COL5A2: variants seen among roughly 807,000 people sequenced by gnomAD.
COL5A2 encodes the protein collagen alpha-2(V) chain.
COL5A2 carries 23 observed loss-of-function variants against 208.2 expected under a neutral mutation model. The observed-to-expected ratio is 0.11, with a 90% CI of 0.08 to 0.16. The LOEUF (loss-of-function observed/expected upper bound fraction) is 0.16. Among genes scored for constraint, COL5A2 ranks in the 10% least tolerant of loss-of-function variants. The pLI is 1.00. For missense variants in COL5A2, 1,590 were observed against 1,956.4 expected, an observed-to-expected ratio of 0.81 and a Z score of 3.53; for synonymous variants, 625 against 628.5, an observed-to-expected ratio of 0.99 and a Z score of 0.08.
At chr2:189,430,447 A>G in the COL5A2 span, among the ~76,000 whole-genome samples, 1 of 152,190 alleles carries the variant, frequency 6.6e-6, no homozygotes, top group Non-Finnish European at 1.5e-5. Flanking sequence ...AGCCAAGGGA[A>G]GCCATGACAG....
At chr2:189,184,551 A>G (rs1305141863), upstream of COL5A2, among the ~76,000 whole-genome samples, 1 of 152,168 alleles carries the variant, frequency 6.6e-6, no homozygotes, top group Non-Finnish European at 1.5e-5. Context: ...AGTTACCTGC[A>G]TTCCTTGTTT....
intron 1 of COL5A2, among the ~76,000 whole-genome samples, chr2:189,125,950 T>C (rs974525290): frequency 2.0e-5 from 3 of 152,092 alleles, no homozygotes; most frequent in African/African-American, 4.8e-5. Context: ...TATAGACGGA[T>C]AGGTGAAGAG....
chr2:189,313,600 C>T, the COL5A2 span, among the ~76,000 whole-genome samples: 9 of 152,088 alleles, frequency 5.9e-5, no homozygotes, highest in Admixed American at 5.9e-4. Flanking sequence ...CAATACTAAC[C>T]TTAAATGTAA....
chr2:189,307,665 T>G, the COL5A2 span, among the ~76,000 whole-genome samples: 1 of 152,198 alleles, frequency 6.6e-6, no homozygotes, highest in African/African-American at 2.4e-5. Context: ...ATTCTTAGCC[T>G]CTAGATGCTT....
At chr2:189,274,563 C>A in the COL5A2 span, among the ~76,000 whole-genome samples, 118 of 152,256 alleles carry the variant, frequency 7.8e-4, no homozygotes, top group South Asian at 6.8e-3. Context: ...AAAACACAGA[C>A]CTTTCTCTAG....
chr2:189,044,223 T>G (rs190216365), intron 47 of COL5A2, among the ~76,000 whole-genome samples: 61 of 152,336 alleles, frequency 4.0e-4, no homozygotes, highest in African/African-American at 1.4e-3. Flanking sequence ...AATTTTTCCC[T>G]TATTGTTTTG....
At chr2:189,262,863 C>T in the COL5A2 span, among the ~76,000 whole-genome samples, 2 of 152,030 alleles carry the variant, frequency 1.3e-5, no homozygotes, top group East Asian at 3.8e-4. Flanking sequence ...GGACAATATT[C>T]ATCTGGTTAT....
the COL5A2 span, among the ~76,000 whole-genome samples, chr2:189,419,274 C>T: frequency 6.6e-6 from 1 of 152,092 alleles, no homozygotes; most frequent in Admixed American, 6.6e-5. Context: ...TTATCCCTGG[C>T]CCTGTAAATT....
the COL5A2 span, among the ~76,000 whole-genome samples, chr2:189,421,037 A>C: frequency 6.6e-6 from 1 of 152,224 alleles, no homozygotes; most frequent in Non-Finnish European, 1.5e-5. Flanking sequence ...CAGTATACTA[A>C]TAAATTAATT....
intron 44 of COL5A2, among the ~76,000 whole-genome samples, chr2:189,048,852 CT>C (rs957814960): frequency 2.4e-4 from 36 of 152,076 alleles, no homozygotes; most frequent in African/African-American, 8.5e-4. Context: ...CTCAAATTGC[CT>C]ATCAAAAACT....
intron 35 of COL5A2, among the ~76,000 whole-genome samples, chr2:189,055,025 A>G (rs953846678): frequency 6.6e-6 from 1 of 151,832 alleles, no homozygotes; most frequent in Non-Finnish European, 1.5e-5. Context: ...CTGGGATTGC[A>G]AGCGTCTGTC....
intron 19 of COL5A2, 82 bp downstream of exon 19, chr2:189,068,704 A>T (rs921348896): frequency 2.0e-6 from 2 of 995,882 alleles, no homozygotes; most frequent in Non-Finnish European, 3.2e-6. Context: ...TGTATCAATT[A>T]AAAAAATAGG....
chr2:189,252,731 T>C, the COL5A2 span, among the ~76,000 whole-genome samples: 24 of 146,528 alleles, frequency 1.6e-4, no homozygotes, highest in Admixed American at 7.1e-4. Flanking sequence ...CTGCACATTG[T>C]GCACATGTAC....
chr2:189,190,622 C>T, intron 1 of COL5A2, among the ~76,000 whole-genome samples: 1 of 152,180 alleles, frequency 6.6e-6, no homozygotes, highest in Admixed American at 6.6e-5. Context: ...GTATTCTACT[C>T]CATTTTTATA....
At chr2:189,224,795 T>C (rs1205079686) in intron 1 of COL5A2, among the ~76,000 whole-genome samples, 2 of 152,122 alleles carry the variant, frequency 1.3e-5, no homozygotes, top group Non-Finnish European at 2.9e-5. Flanking sequence ...GTCAAAACTT[T>C]CTATGCATCC....
At chr2:189,202,807 A>G (rs1359047208) in intron 1 of COL5A2, among the ~76,000 whole-genome samples, 1 of 152,114 alleles carries the variant, frequency 6.6e-6, no homozygotes, top group Non-Finnish European at 1.5e-5. Flanking sequence ...AGAGACATAA[A>G]ATTCATTTAT....
intron 1 of COL5A2, among the ~76,000 whole-genome samples, chr2:189,143,194 A>G (rs1287819458): frequency 1.3e-5 from 2 of 152,096 alleles, no homozygotes; most frequent in Admixed American, 6.6e-5. Flanking sequence ...AAAGACTCCA[A>G]CTGAGGGGGC....
At chr2:189,065,088 G>T (rs776860044) in intron 23 of COL5A2, 31 bp from the exon 24 acceptor site, 1 of 1,606,184 alleles carries the variant, frequency 6.2e-7, no homozygotes, top group Non-Finnish European at 8.5e-7. Flanking sequence ...ATTCTTAATT[G>T]TTGTTGATAT....
chr2:189,164,008 T>G (rs189728830), intron 1 of COL5A2, among the ~76,000 whole-genome samples: 5 of 152,338 alleles, frequency 3.3e-5, no homozygotes, highest in Admixed American at 3.3e-4. Flanking sequence ...AAGGCCCTCA[T>G]ATCTTTAACT....
Sources: allele counts gnomAD v4.1 joint callset (sites outside exome capture counted in the v4.1 genomes callset), GRCh38; gene constraint gnomAD v4.1.1; transcripts MANE v1.5; gene names NCBI Gene and HGNC (gene_info 2026-07-23, HGNC 2026-07-21).